The following ATP2B2 variants were observed in gnomAD, a reference collection of about 807,000 sequenced individuals.
ATP2B2 encodes plasma membrane calcium-transporting ATPase 2.
Under a neutral mutation model 120.0 loss-of-function variants are expected in ATP2B2, and 15 were observed. That is an observed-to-expected ratio of 0.12 (90% CI 0.08 to 0.19). ATP2B2 has a LOEUF of 0.19. ATP2B2 is among the 10% of genes least tolerant of loss of function. The pLI, the probability that ATP2B2 is intolerant of heterozygous loss-of-function variation, is 1.00. For synonymous variants in ATP2B2, 694 were observed against 700.3 expected, an observed-to-expected ratio of 0.99 and a Z score of 0.14; for missense variants, 1,045 against 1,719.8, an observed-to-expected ratio of 0.61 and a Z score of 6.94.
At chr3:10,656,760 G>A (rs1379734303) in intron 1 of ATP2B2, among the ~76,000 whole-genome samples, 1 of 152,362 alleles carries the variant, frequency 6.6e-6, no homozygotes, top group South Asian at 2.1e-4. Context: ...AACCAACAGG[G>A]CAATGTGCTG....
intron 5 of ATP2B2, among the ~76,000 whole-genome samples, chr3:10,395,042 C>T (rs772313573): frequency 2.6e-5 from 4 of 152,194 alleles, no homozygotes; most frequent in Non-Finnish European, 5.9e-5. Context: ...TACACTTCTG[C>T]TCTGGGTCTC....
At chr3:10,350,668 G>A (rs1380133207) in intron 14 of ATP2B2, 91 bp from the exon 15 acceptor site, 7 of 1,399,002 alleles carry the variant, frequency 5.0e-6, no homozygotes, top group Non-Finnish European at 5.9e-6. Flanking sequence ...CTTCTCACAG[G>A]CAGCTCTACT....
At chr3:10,651,092 T>A (rs2070449379) in intron 1 of ATP2B2, among the ~76,000 whole-genome samples, 1 of 152,240 alleles carries the variant, frequency 6.6e-6, no homozygotes, top group South Asian at 2.1e-4. Context: ...GCTTTTGATT[T>A]TACATGCTCA....
intron 2 of ATP2B2, among the ~76,000 whole-genome samples, chr3:10,583,537 G>A (rs1051423431): frequency 2.0e-5 from 3 of 152,128 alleles, no homozygotes; most frequent in African/African-American, 2.4e-5. Context: ...CTTAGGATCC[G>A]TGCCCTGATT....
At chr3:10,598,836 G>C (rs749432675) in intron 2 of ATP2B2, among the ~76,000 whole-genome samples, 1 of 152,258 alleles carries the variant, frequency 6.6e-6, no homozygotes, top group African/African-American at 2.4e-5. Context: ...GAGCAGGGTT[G>C]ATGACCTGCA....
chr3:10,540,767 T>C (rs1175294966), intron 2 of ATP2B2, among the ~76,000 whole-genome samples: 1 of 151,228 alleles, frequency 6.6e-6, no homozygotes, highest in Non-Finnish European at 1.5e-5. Flanking sequence ...ATATCTAATG[T>C]TAATGATGAG....
chr3:10,545,902 A>G (rs2067535094), intron 2 of ATP2B2, among the ~76,000 whole-genome samples: 1 of 152,208 alleles, frequency 6.6e-6, no homozygotes, highest in South Asian at 2.1e-4. Context: ...CTCAAATAAA[A>G]AATGCAGAGT....
At chr3:10,568,530 G>T (rs765565331) in intron 2 of ATP2B2, among the ~76,000 whole-genome samples, 1 of 152,196 alleles carries the variant, frequency 6.6e-6, no homozygotes, top group Non-Finnish European at 1.5e-5. Flanking sequence ...AACTCAGGGG[G>T]AAGCTTGCTT....
intron 2 of ATP2B2, among the ~76,000 whole-genome samples, chr3:10,413,405 C>T (rs2062679769): frequency 6.6e-6 from 1 of 152,236 alleles, no homozygotes; most frequent in Non-Finnish European, 1.5e-5. Flanking sequence ...CTTGTTGGTG[C>T]AGGCAAGCTC....
chr3:10,449,686 G>T lies in ATP2B2; in HGVS notation c.-143C>A. On this transcript the variant is annotated 5_prime_UTR_variant, in exon 2 of 23. Transcript: ENST00000360273. ...GGCGGCCGACTCCGGGTCCCGGGGG[G>T]TGGGGGTGGCCGAGGCGGGCTGGTG... 2.0e-6 allele frequency: 2 copies of T among 1,015,570 alleles called. No homozygotes were observed. Among genetic ancestry groups the T allele is most frequent in the Non-Finnish European group, 3.0e-6 (2 of 662,810 alleles). The allele number at this position is 1,015,570 out of a possible 1,614,324, so 62.9% of individuals were successfully genotyped here.
intron 1 of ATP2B2, among the ~76,000 whole-genome samples, chr3:10,492,923 G>A (rs952705070): frequency 3.3e-5 from 5 of 152,136 alleles, no homozygotes; most frequent in Non-Finnish European, 5.9e-5. Context: ...CTAGGATGGC[G>A]CCTCCTCCTC....
chr3:10,682,827 T>C (rs1401430278), intron 1 of ATP2B2, among the ~76,000 whole-genome samples: 1 of 152,136 alleles, frequency 6.6e-6, no homozygotes, highest in Non-Finnish European at 1.5e-5. Flanking sequence ...CAGGTCATGA[T>C]CCCACCGGCT....
intron 3 of ATP2B2, among the ~76,000 whole-genome samples, chr3:10,525,371 T>C (rs1435533742): frequency 6.6e-6 from 1 of 152,206 alleles, no homozygotes; most frequent in Non-Finnish European, 1.5e-5. Flanking sequence ...AACCTTTTTG[T>C]TTTAGAAGAG....
chr3:10,482,605 G>A (rs1371498958), intron 1 of ATP2B2, among the ~76,000 whole-genome samples: 1 of 152,196 alleles, frequency 6.6e-6, no homozygotes, highest in Middle Eastern at 3.2e-3. Context: ...CAGCACAGGT[G>A]GTCTCCCTGA....
chr3:10,353,150 T>C (rs62240132), intron 14 of ATP2B2, among the ~76,000 whole-genome samples: 2,086 of 152,352 alleles, frequency 0.014, 20 homozygotes, highest in Middle Eastern at 0.027. Context: ...ACCTGTACTC[T>C]GTTTGGAGGC....
intron 2 of ATP2B2, among the ~76,000 whole-genome samples, chr3:10,442,017 C>T (rs768694372): frequency 9.9e-5 from 15 of 152,238 alleles, no homozygotes; most frequent in Admixed American, 4.6e-4. Context: ...ATGATAATGC[C>T]TTCATAGTAA....
At chr3:10,365,371 T>C (rs1046704360) in intron 12 of ATP2B2, among the ~76,000 whole-genome samples, 1 of 152,184 alleles carries the variant, frequency 6.6e-6, no homozygotes, top group Non-Finnish European at 1.5e-5. Flanking sequence ...GCACGAAATT[T>C]TGGCAGAACT....
chr3:10,435,653 G>A (rs931057529), intron 2 of ATP2B2, among the ~76,000 whole-genome samples: 4 of 152,272 alleles, frequency 2.6e-5, no homozygotes, highest in Admixed American at 1.3e-4. Context: ...CAGGGTGACA[G>A]GTGGGCAGGA....
At chr3:10,462,287 A>T (rs989449744) in intron 1 of ATP2B2, among the ~76,000 whole-genome samples, 1 of 152,104 alleles carries the variant, frequency 6.6e-6, no homozygotes, top group Non-Finnish European at 1.5e-5. Flanking sequence ...CATCCACAGC[A>T]CTATCTGGGC....
Sources: allele counts gnomAD v4.1 joint callset (sites outside exome capture counted in the v4.1 genomes callset), GRCh38; gene constraint gnomAD v4.1.1; transcripts MANE v1.5; gene names NCBI Gene and HGNC (gene_info 2026-07-23, HGNC 2026-07-21).